The following DLG2 variants were observed in gnomAD, a reference collection of about 807,000 sequenced individuals.
The protein encoded by DLG2 is discs large MAGUK scaffold protein 2.
In DLG2, 45 loss-of-function variants were observed where a neutral mutation model predicts 132.5. The observed-to-expected ratio is 0.34, with a 90% confidence interval of 0.27 to 0.44. The LOEUF is 0.44. Among genes scored for constraint, DLG2 ranks in the 20% least tolerant of loss-of-function variants. The pLI, the probability that DLG2 is intolerant of heterozygous loss-of-function variation, is 1.00. For synonymous variants in DLG2, 424 were observed against 419.6 expected (o/e 1.01, Z -0.13); for missense variants, 1,045 against 1,196.9 (o/e 0.87, Z 1.87).
At chr11:83,989,770 C>T (rs768209502) in intron 11 of DLG2, among the ~76,000 whole-genome samples, 1 of 152,098 alleles carries the variant, frequency 6.6e-6, no homozygotes, top group Non-Finnish European at 1.5e-5. Context: ...ATTTATGATA[C>T]AGTAAGACAG....
At chr11:84,259,061 C>T (rs1379447525) in intron 7 of DLG2, among the ~76,000 whole-genome samples, 14 of 152,114 alleles carry the variant, frequency 9.2e-5, no homozygotes, top group Non-Finnish European at 1.8e-4. Context: ...CACTTGAAGT[C>T]AGGAGTTTGA....
chr11:85,482,684 T>G (rs1262554277), intron 3 of DLG2, among the ~76,000 whole-genome samples: 1 of 151,876 alleles, frequency 6.6e-6, no homozygotes, highest in Non-Finnish European at 1.5e-5. Context: ...GGCAAGTACT[T>G]GTGATCCTAA....
rs1011888005 is a variant in DLG2, at chr11:83,575,304, C to T, written c.1941-33446G>A. Among the ~76,000 whole-genome samples the T allele has an allele frequency of 1.4e-4, 22 of 152,266 alleles. No homozygotes were observed. In the South Asian group the frequency reaches 2.5e-3, roughly 17 times the overall value. On this transcript the variant is annotated intron_variant, in intron 19 of 27. Coordinates refer to ENST00000376104, the MANE Select transcript of DLG2 (RefSeq NM_001142699.3). The stretch of plus-strand genomic sequence containing the variant: ...TGGGAAACAAATGAGGTAACTGCCC[C>T]AGCTTTCTGCCTTGACAGAGTCTCG...
At chr11:84,715,251 C>A (rs1360063669) in intron 6 of DLG2, among the ~76,000 whole-genome samples, 2 of 152,086 alleles carry the variant, frequency 1.3e-5, no homozygotes, top group Non-Finnish European at 2.9e-5. Context: ...AAGTTTTAGC[C>A]ATGTTTCTTT....
intron 7 of DLG2, among the ~76,000 whole-genome samples, chr11:84,414,062 AT>A: frequency 6.6e-6 from 1 of 152,158 alleles, no homozygotes; most frequent in East Asian, 1.9e-4. Context: ...AATTTGTACT[AT>A]GTTCTTCAAT....
At chr11:85,500,799 C>T (rs184493826) in intron 3 of DLG2, among the ~76,000 whole-genome samples, 2 of 152,298 alleles carry the variant, frequency 1.3e-5, no homozygotes, top group East Asian at 3.9e-4. Context: ...ACATTCCACG[C>T]TCATGGATAG....
At chr11:84,879,768 T>C (rs1218975224) in intron 6 of DLG2, among the ~76,000 whole-genome samples, 2 of 152,150 alleles carry the variant, frequency 1.3e-5, no homozygotes, top group African/African-American at 2.4e-5. Context: ...AGAGGACCAC[T>C]ACTGTTCATT....
intron 7 of DLG2, among the ~76,000 whole-genome samples, chr11:84,323,490 C>T (rs1203675345): frequency 6.6e-6 from 1 of 152,120 alleles, no homozygotes; most frequent in African/African-American, 2.4e-5. Context: ...GTGAATAATG[C>T]TCAATGAACA....
intron 6 of DLG2, among the ~76,000 whole-genome samples, chr11:85,071,125 T>C (rs999127486): frequency 2.6e-5 from 4 of 151,922 alleles, no homozygotes; most frequent in Non-Finnish European, 4.4e-5. Flanking sequence ...TGAATTCATC[T>C]ATATAAAGCT....
chr11:85,431,808 G>A (rs2091204001), intron 3 of DLG2, among the ~76,000 whole-genome samples: 1 of 152,202 alleles, frequency 6.6e-6, no homozygotes, highest in African/African-American at 2.4e-5. Context: ...CTCCACCAAG[G>A]GACAGCCAAA....
chr11:85,479,064 C>A (rs1163083411), intron 3 of DLG2, among the ~76,000 whole-genome samples: 1 of 152,122 alleles, frequency 6.6e-6, no homozygotes, highest in Admixed American at 6.5e-5. Flanking sequence ...GCATCAAAAA[C>A]CATCATTTAA....
At chr11:83,880,152 G>T (rs949849172) in intron 15 of DLG2, among the ~76,000 whole-genome samples, 4 of 152,126 alleles carry the variant, frequency 2.6e-5, no homozygotes, top group African/African-American at 9.7e-5. Flanking sequence ...CCCTGCCAAG[G>T]TCTGGTCTTA....
At chr11:84,257,413 A>G (rs1314501612) in intron 7 of DLG2, among the ~76,000 whole-genome samples, 1 of 152,202 alleles carries the variant, frequency 6.6e-6, no homozygotes, top group Non-Finnish European at 1.5e-5. Flanking sequence ...ATCCCCTGAT[A>G]TATTAATACT....
chr11:84,535,289 G>T (rs1285963821), intron 6 of DLG2, among the ~76,000 whole-genome samples: 1 of 152,160 alleles, frequency 6.6e-6, no homozygotes, highest in Non-Finnish European at 1.5e-5. Context: ...TACTTCACCC[G>T]CTAGGAGAAG....
chr11:85,161,368 C>A (rs533326234), intron 4 of DLG2, among the ~76,000 whole-genome samples: 1 of 152,174 alleles, frequency 6.6e-6, no homozygotes, highest in Non-Finnish European at 1.5e-5. Context: ...CTGGTTATGG[C>A]CACTGCTGAG....
intron 12 of DLG2, among the ~76,000 whole-genome samples, chr11:83,966,354 G>A (rs149782942): frequency 1.2e-3 from 186 of 152,006 alleles, no homozygotes; most frequent in African/African-American, 3.9e-3. Flanking sequence ...TTCAGAACAC[G>A]TCTTTTCAGG....
At chr11:85,585,880 A>C (rs1007085851) in intron 3 of DLG2, among the ~76,000 whole-genome samples, 4 of 151,942 alleles carry the variant, frequency 2.6e-5, no homozygotes, top group African/African-American at 9.7e-5. Context: ...TGCCCGGCTA[A>C]TTTTTTTGTA....
chr11:83,580,997 T>C (rs977456041), intron 19 of DLG2, among the ~76,000 whole-genome samples: 20 of 147,674 alleles, frequency 1.4e-4, no homozygotes, highest in Non-Finnish European at 2.8e-4. Context: ...TTTGGCAATC[T>C]TTCTCTTGTA....
intron 2 of DLG2, among the ~76,000 whole-genome samples, chr11:85,602,486 G>A (rs1478635546): frequency 6.6e-6 from 1 of 151,746 alleles, no homozygotes; most frequent in African/African-American, 2.4e-5. Context: ...AATGTAGTGG[G>A]GCAATCACTG....
Sources: allele counts gnomAD v4.1 joint callset (sites outside exome capture counted in the v4.1 genomes callset), GRCh38; gene constraint gnomAD v4.1.1; transcripts MANE v1.5; gene names NCBI Gene and HGNC (gene_info 2026-07-23, HGNC 2026-07-21).